The following AGBL4 variants were observed in gnomAD, a reference collection of about 807,000 sequenced individuals.
AGBL4 encodes cytosolic carboxypeptidase 6.
Under a neutral mutation model 66.4 loss-of-function variants are expected in AGBL4, and 58 were observed. The observed-to-expected ratio is 0.87, with a 90% CI of 0.71 to 1.09. AGBL4 has a LOEUF of 1.09. Among genes scored for constraint, AGBL4 ranks in the 50% least tolerant of loss-of-function variants. AGBL4 has a pLI of 0.00. For synonymous variants in AGBL4, 234 were observed against 222.9 expected (o/e 1.05, Z -0.44); for missense variants, 579 against 631.0 (o/e 0.92, Z 0.88).
At chr1:48,623,176 C>G (rs940391955) in intron 9 of AGBL4, among the ~76,000 whole-genome samples, 2 of 152,222 alleles carry the variant, frequency 1.3e-5, no homozygotes, top group Non-Finnish European at 2.9e-5. Context: ...TGCCTGCACT[C>G]AGGAAATCTT....
intron 3 of AGBL4, among the ~76,000 whole-genome samples, chr1:49,330,711 TATAAA>T (rs1645314988): frequency 6.6e-6 from 1 of 152,090 alleles, no homozygotes; most frequent in Admixed American, 6.6e-5. Context: ...TTATTACAAA[TATAAA>T]ATAGTGTTTT....
At chr1:49,107,641 A>G (rs1468183969) in intron 4 of AGBL4, among the ~76,000 whole-genome samples, 1 of 149,908 alleles carries the variant, frequency 6.7e-6, no homozygotes, top group African/African-American at 2.5e-5. Context: ...GTCTGTGTGT[A>G]TATATGCCTG....
chr1:49,214,954 C>T (rs1648969131), intron 4 of AGBL4, among the ~76,000 whole-genome samples: 1 of 152,098 alleles, frequency 6.6e-6, no homozygotes, highest in South Asian at 2.1e-4. Context: ...AAGTTGTCAG[C>T]AGAGACACCA....
intron 6 of AGBL4, among the ~76,000 whole-genome samples, chr1:48,705,839 A>G (rs1221825604): frequency 6.9e-6 from 1 of 144,274 alleles, no homozygotes; most frequent in East Asian, 2.0e-4. Context: ...TAAAAAGCAA[A>G]ATTTATATTG....
chr1:48,846,400 A>T (rs1208074827), intron 6 of AGBL4, among the ~76,000 whole-genome samples: 1 of 151,426 alleles, frequency 6.6e-6, no homozygotes, highest in African/African-American at 2.4e-5. Flanking sequence ...AAAGAAAGAA[A>T]GAAAGAAAGA....
chr1:49,205,580 T>C (rs1357945875), intron 4 of AGBL4, among the ~76,000 whole-genome samples: 1 of 152,018 alleles, frequency 6.6e-6, no homozygotes, highest in Admixed American at 6.6e-5. Flanking sequence ...AAAAGAGCAT[T>C]AGACCAGGAG....
chr1:49,922,284 A>C (rs1010366436), intron 1 of AGBL4, among the ~76,000 whole-genome samples: 2 of 152,174 alleles, frequency 1.3e-5, no homozygotes, highest in African/African-American at 4.8e-5. Flanking sequence ...TCAATAAACT[A>C]GGTATTGAAG....
chr1:49,185,534 T>C (rs1300768972), intron 4 of AGBL4, among the ~76,000 whole-genome samples: 5 of 152,222 alleles, frequency 3.3e-5, no homozygotes, highest in Non-Finnish European at 5.9e-5. Flanking sequence ...TCAATGTGTC[T>C]ATAGAGCTAT....
intron 4 of AGBL4, among the ~76,000 whole-genome samples, chr1:49,134,067 G>T (rs547786985): frequency 6.6e-6 from 1 of 151,950 alleles, no homozygotes; most frequent in East Asian, 1.9e-4. Flanking sequence ...TGGATGTCTG[G>T]GGGAGACATC....
chr1:49,179,838 A>T (rs1462717961), intron 4 of AGBL4, among the ~76,000 whole-genome samples: 2 of 152,188 alleles, frequency 1.3e-5, no homozygotes, highest in Non-Finnish European at 2.9e-5. Flanking sequence ...TTCTAACTCT[A>T]GCTCTGCCTC....
At chr1:49,281,747 A>C (rs927682523) in intron 3 of AGBL4, among the ~76,000 whole-genome samples, 1 of 152,218 alleles carries the variant, frequency 6.6e-6, no homozygotes, top group Non-Finnish European at 1.5e-5. Flanking sequence ...AGAAATCTTA[A>C]AAGGACAGGA....
chr1:48,608,973 C>G (rs191190), intron 9 of AGBL4, among the ~76,000 whole-genome samples: 1 of 151,958 alleles, frequency 6.6e-6, no homozygotes, highest in Non-Finnish European at 1.5e-5. Context: ...TTATGATCCT[C>G]ATTTTATTGA....
intron 4 of AGBL4, among the ~76,000 whole-genome samples, chr1:49,062,219 G>C (rs1370180931): frequency 6.6e-6 from 1 of 152,152 alleles, no homozygotes; most frequent in African/African-American, 2.4e-5. Flanking sequence ...TGCCAAAAAG[G>C]CTGGGGACCA....
At chr1:49,440,075 T>TG (rs1645992703) in intron 3 of AGBL4, among the ~76,000 whole-genome samples, 1 of 149,710 alleles carries the variant, frequency 6.7e-6, no homozygotes, top group Non-Finnish European at 1.5e-5. Context: ...TCTACTTTTT[T>TG]TTTTTTTTTT....
At chr1:48,686,793 A>T (rs1646539675) in intron 6 of AGBL4, among the ~76,000 whole-genome samples, 1 of 152,132 alleles carries the variant, frequency 6.6e-6, no homozygotes, top group Non-Finnish European at 1.5e-5. Context: ...CAGTGTCCTC[A>T]TCTAGCCACA....
At chr1:48,818,168 GA>G (rs1313813560) in intron 6 of AGBL4, 6 of 715,778 alleles carry the variant, frequency 8.4e-6, no homozygotes, top group Non-Finnish European at 1.6e-5. Flanking sequence ...GTCAAATTTG[GA>G]AAGGCCACCA....
At chr1:49,681,000 T>C (rs1646682756) in intron 3 of AGBL4, among the ~76,000 whole-genome samples, 2 of 152,168 alleles carry the variant, frequency 1.3e-5, no homozygotes, top group Admixed American at 1.3e-4. Context: ...CCCCATTCTA[T>C]TGAGCACATT....
intron 4 of AGBL4, among the ~76,000 whole-genome samples, chr1:49,222,423 A>G (rs1649570930): frequency 6.6e-6 from 1 of 152,212 alleles, no homozygotes; most frequent in African/African-American, 2.4e-5. Context: ...ACTTATAACA[A>G]AAATAAAGAC....
intron 5 of AGBL4, among the ~76,000 whole-genome samples, chr1:49,014,054 CTA>C (rs1347054626): frequency 2.6e-5 from 4 of 152,138 alleles, no homozygotes; most frequent in African/African-American, 9.7e-5. Context: ...TTGTTTCTCT[CTA>C]ATGCAATAAA....
Sources: allele counts gnomAD v4.1 joint callset (sites outside exome capture counted in the v4.1 genomes callset), GRCh38; gene constraint gnomAD v4.1.1; transcripts MANE v1.5; gene names NCBI Gene and HGNC (gene_info 2026-07-23, HGNC 2026-07-21).